ZC3H12B: variants seen among roughly 807,000 people sequenced by gnomAD.
ZC3H12B encodes zinc finger CCCH-type containing 12B.
A neutral mutation model predicts 43.9 loss-of-function variants in ZC3H12B; 7 were observed. The observed-to-expected ratio is 0.16, with a 90% CI of 0.09 to 0.30. The LOEUF (loss-of-function observed/expected upper bound fraction) is 0.30. Among genes scored for constraint, ZC3H12B ranks in the 10% least tolerant of loss-of-function variants. The pLI is 1.00. For missense variants in ZC3H12B, 475 were observed against 670.2 expected (o/e 0.71, Z 3.22); for synonymous variants, 222 against 241.7 (o/e 0.92, Z 0.76).
chrX:65,265,750 C>T, the ZC3H12B span, among the ~76,000 whole-genome samples: 8 of 111,739 alleles, frequency 7.2e-5, no homozygotes, highest in South Asian at 2.6e-3. Context: ...TAACTTTCTG[C>T]TTCTGGCCAT....
At chrX:65,388,278 G>A (rs1409658059) in intron 2 of ZC3H12B, among the ~76,000 whole-genome samples, 1 of 111,964 alleles carries the variant, frequency 8.9e-6, no homozygotes, top group African/African-American at 3.2e-5. Context: ...TCAGGTACAC[G>A]AATCAGACAT....
chrX:65,298,439 C>G, the ZC3H12B span, among the ~76,000 whole-genome samples: 1 of 111,872 alleles, frequency 8.9e-6, no homozygotes, highest in Non-Finnish European at 1.9e-5. Flanking sequence ...ATATGTTATA[C>G]AACAATAAAG....
chrX:65,250,779 G>T, the ZC3H12B span, among the ~76,000 whole-genome samples: 2 of 111,535 alleles, frequency 1.8e-5, no homozygotes, highest in Non-Finnish European at 3.8e-5. Context: ...CTTGTTGATG[G>T]GGTTGTTTGT....
chrX:65,371,474 G>A (rs372929951), intron 2 of ZC3H12B, among the ~76,000 whole-genome samples: 2 of 111,131 alleles, frequency 1.8e-5, no homozygotes, highest in Admixed American at 1.9e-4. Flanking sequence ...TTTTATCCAG[G>A]CTTAGAATAA....
At chrX:65,336,245 C>A in the ZC3H12B span, among the ~76,000 whole-genome samples, 4 of 112,794 alleles carry the variant, frequency 3.5e-5, no homozygotes, top group South Asian at 3.6e-4. Context: ...GGAAACCTGA[C>A]TGATAAGAAA....
the ZC3H12B span, among the ~76,000 whole-genome samples, chrX:65,282,656 A>G: frequency 8.9e-6 from 1 of 111,831 alleles, no homozygotes; most frequent in Non-Finnish European, 1.9e-5. Flanking sequence ...CACCGATCCC[A>G]GAGAAATACA....
chrX:65,452,606 C>T (rs745441989), intron 3 of ZC3H12B, among the ~76,000 whole-genome samples: 49 of 111,556 alleles, frequency 4.4e-4, no homozygotes, highest in South Asian at 7.6e-4. Flanking sequence ...TTTGGGAGGC[C>T]GAGGTGGGTG....
At chrX:65,190,887 G>C in the ZC3H12B span, among the ~76,000 whole-genome samples, 2 of 105,823 alleles carry the variant, frequency 1.9e-5, no homozygotes, top group Non-Finnish European at 3.8e-5. Flanking sequence ...AGTTTTCAAA[G>C]GGAATGCTTC....
chrX:65,171,023 G>A, the ZC3H12B span, among the ~76,000 whole-genome samples: 1 of 111,955 alleles, frequency 8.9e-6, no homozygotes, highest in Non-Finnish European at 1.9e-5. Context: ...CCGATTGTGT[G>A]AAGCCTTCTT....
chrX:65,435,986 G>C (rs1157267335), intron 3 of ZC3H12B, among the ~76,000 whole-genome samples: 1 of 112,014 alleles, frequency 8.9e-6, no homozygotes, highest in Non-Finnish European at 1.9e-5. Flanking sequence ...AACTACCTGA[G>C]ACTGAGTAAT....
the ZC3H12B span, among the ~76,000 whole-genome samples, chrX:65,129,420 G>T: frequency 2.7e-5 from 3 of 109,550 alleles, no homozygotes; most frequent in East Asian, 8.7e-4. Flanking sequence ...GGGAGTTAGG[G>T]GTGGGGCAGT....
chrX:65,387,704 G>T (rs1349417867), intron 2 of ZC3H12B, among the ~76,000 whole-genome samples: 1 of 111,849 alleles, frequency 8.9e-6, no homozygotes, highest in Non-Finnish European at 1.9e-5. Context: ...TGGTTATTTT[G>T]CTCCTTAGTT....
the ZC3H12B span, among the ~76,000 whole-genome samples, chrX:65,042,196 T>C: frequency 8.0e-5 from 9 of 112,499 alleles, no homozygotes; most frequent in Non-Finnish European, 1.5e-4. Context: ...TTGACTAGAA[T>C]AAAAACTTAG....
intron 3 of ZC3H12B, chrX:65,469,052 G>C (rs764245954): frequency 1.8e-5 from 2 of 110,885 alleles, no homozygotes; most frequent in South Asian, 7.9e-4. Flanking sequence ...CCAGCTGTTT[G>C]GCAGGCTCTA....
the ZC3H12B span, among the ~76,000 whole-genome samples, chrX:65,102,001 C>A: frequency 1.2e-3 from 137 of 111,933 alleles, no homozygotes; most frequent in African/African-American, 4.3e-3. Context: ...TACTGGCAAA[C>A]CGAACGCAGC....
At chrX:65,238,108 A>C in the ZC3H12B span, among the ~76,000 whole-genome samples, 1 of 111,241 alleles carries the variant, frequency 9.0e-6, no homozygotes, top group Admixed American at 9.5e-5. Context: ...TTTGGAATAG[A>C]TTTAGTAGAA....
the ZC3H12B span, among the ~76,000 whole-genome samples, chrX:65,165,687 G>A: frequency 2.0e-4 from 23 of 112,460 alleles, no homozygotes; most frequent in Non-Finnish European, 3.8e-4. Flanking sequence ...TCTTTATCCA[G>A]TCTATCATTG....
intron 2 of ZC3H12B, 127 bp from the exon 8 acceptor site, chrX:65,498,872 C>T: frequency 3.9e-6 from 2 of 508,676 alleles, no homozygotes; most frequent in South Asian, 3.5e-5. Flanking sequence ...GGAACAGGGC[C>T]TACTTTCCCT....
the ZC3H12B span, among the ~76,000 whole-genome samples, chrX:65,122,169 G>C: frequency 9.0e-6 from 1 of 111,051 alleles, no homozygotes; most frequent in Non-Finnish European, 1.9e-5. Context: ...AGGTCTGCTT[G>C]GTGCAGAGCT....
Sources: allele counts gnomAD v4.1 joint callset (sites outside exome capture counted in the v4.1 genomes callset), GRCh38; gene constraint gnomAD v4.1.1; transcripts MANE v1.5; gene names NCBI Gene and HGNC (gene_info 2026-07-23, HGNC 2026-07-21).